Variants in ZNF761 observed in about 807,000 individuals in gnomAD.
ZNF761 encodes the protein zinc finger protein 761.
In ZNF761, 43 loss-of-function variants were observed where a neutral mutation model predicts 59.9. The observed-to-expected ratio is 0.72, with a 90% CI of 0.56 to 0.92. The LOEUF (loss-of-function observed/expected upper bound fraction) is 0.92, where lower values mean the gene tolerates loss of function less well. ZNF761 is among the 40% of genes least tolerant of loss of function. The pLI is 0.00. For missense variants in ZNF761, 850 were observed against 906.1 expected (o/e 0.94, Z 0.79); for synonymous variants, 294 against 304.8 (o/e 0.96, Z 0.37).
intron 1 of ZNF761, among the ~76,000 whole-genome samples, chr19:53,439,768 TA>T (rs1400821607): frequency 6.6e-6 from 1 of 152,150 alleles, no homozygotes. Context: ...CAGAGTGTTC[TA>T]AGGCGACTGG....
At chr19:53,447,465 G>C (rs2086173102) in intron 3 of ZNF761, among the ~76,000 whole-genome samples, 182 bp downstream of exon 3, 1 of 152,140 alleles carries the variant, frequency 6.6e-6, no homozygotes, top group South Asian at 2.1e-4. Flanking sequence ...CCAGTGAGAT[G>C]AACTTGGGAA....
At chr19:53,445,958 TC>T (rs1424715351) in intron 1 of ZNF761, among the ~76,000 whole-genome samples, 3 of 152,204 alleles carry the variant, frequency 2.0e-5, no homozygotes, top group Non-Finnish European at 4.4e-5. Context: ...ATCTCATGAC[TC>T]CCTCTGCCCC....
chr19:53,437,716 G>A (rs1162845316), intron 1 of ZNF761, among the ~76,000 whole-genome samples: 5 of 152,178 alleles, frequency 3.3e-5, no homozygotes, highest in Non-Finnish European at 7.3e-5. Context: ...CAGCCTCTAA[G>A]TGCTGTAGAA....
rs1372596561 is a variant in ZNF761, at chr19:53,455,750, T to C, written c.1243T>C (p.Cys415Arg). The C allele has an allele frequency of 6.2e-7, 1 of 1,613,748 alleles. No homozygotes were observed. The highest frequency in any genetic ancestry group is 2.2e-5 in the East Asian group (1 of 44,808). The change falls in exon 5 of 5, where the codon TGT becomes CGT. Residue 415 changes from cysteine to arginine, a missense_variant. Transcript: ENST00000684525. ...TGEKPYKCEECDKAYSFRSNF... is the reference protein window; with the variant it reads ...TGEKPYKCEERDKAYSFRSNF... ...AGAGAAACCTTACAAATGTGAAGAA[T>C]GTGACAAAGCTTACAGTTTCAGATC...
At chr19:53,454,562 C>G (rs1370756972) in intron 4 of ZNF761, 88 bp from the exon 5 acceptor site, 7 of 1,358,232 alleles carry the variant, frequency 5.2e-6, no homozygotes, top group East Asian at 2.4e-5. Flanking sequence ...TTTAAAATAA[C>G]TATTGTTTTT....
intron 4 of ZNF761, among the ~76,000 whole-genome samples, chr19:53,451,779 G>T (rs1033904127): frequency 6.7e-6 from 1 of 149,734 alleles, no homozygotes. Context: ...TTTAGAAACG[G>T]GGTTTCACCG....
intron 1 of ZNF761, among the ~76,000 whole-genome samples, chr19:53,439,022 C>T (rs2086071367): frequency 6.6e-6 from 1 of 152,024 alleles, no homozygotes; most frequent in Admixed American, 6.6e-5. Flanking sequence ...GCCTCTCATC[C>T]CAACACTTTG....
chr19:53,432,570 G>A (rs1477155044), intron 1 of ZNF761, among the ~76,000 whole-genome samples: 1 of 152,150 alleles, frequency 6.6e-6, no homozygotes, highest in Non-Finnish European at 1.5e-5. Context: ...CCTGTGACGC[G>A]GGGTGTTACT....
chr19:53,436,801 CCTTAA>C (rs1183356366), intron 1 of ZNF761, among the ~76,000 whole-genome samples: 1 of 152,178 alleles, frequency 6.6e-6, no homozygotes. Context: ...GTGGAGAAAG[CCTTAA>C]CTTATCTTGA....
intron 1 of ZNF761, among the ~76,000 whole-genome samples, chr19:53,434,564 A>G (rs1387332957): frequency 6.6e-6 from 1 of 152,176 alleles, no homozygotes; most frequent in Non-Finnish European, 1.5e-5. Context: ...TTGCCTTGCC[A>G]CAAAGTTTTC....
chr19:53,435,178 A>G (rs2086025547), intron 1 of ZNF761, among the ~76,000 whole-genome samples: 1 of 151,634 alleles, frequency 6.6e-6, no homozygotes, highest in Admixed American at 6.6e-5. Context: ...CCTTGCACGA[A>G]TTTAAACTAT....
chr19:53,434,314 A>T (rs2086011928), intron 1 of ZNF761, among the ~76,000 whole-genome samples: 1 of 152,144 alleles, frequency 6.6e-6, no homozygotes, highest in South Asian at 2.1e-4. Flanking sequence ...TTTATTGTAG[A>T]CAGGATACCT....
chr19:53,446,640 T>G (rs1243410362), intron 2 of ZNF761, among the ~76,000 whole-genome samples: 2 of 152,180 alleles, frequency 1.3e-5, no homozygotes, highest in African/African-American at 4.8e-5. Flanking sequence ...TCCAGAGTGC[T>G]GGTATTACAG....
chr19:53,452,179 A>G (rs2086227667), intron 4 of ZNF761, among the ~76,000 whole-genome samples: 1 of 152,050 alleles, frequency 6.6e-6, no homozygotes, highest in African/African-American at 2.4e-5. Context: ...TGAAACCTCG[A>G]ATCTACTAAA....
intron 1 of ZNF761, among the ~76,000 whole-genome samples, chr19:53,433,825 A>G (rs1445259953): frequency 3.9e-5 from 6 of 152,180 alleles, no homozygotes; most frequent in African/African-American, 1.4e-4. Context: ...GAATCTACTG[A>G]AGGAGGAAAA....
intron 1 of ZNF761, chr19:53,442,980 C>A: frequency 7.0e-6 from 2 of 284,846 alleles, no homozygotes; most frequent in African/African-American, 2.3e-5. Flanking sequence ...CAGTTATTTA[C>A]CTGTTGACCC....
Position 53,450,128 on chromosome 19 carries a change from C to A in ZNF761, c.142+490C>A, listed in dbSNP as rs551388921. On this transcript the variant is annotated intron_variant, in intron 4 of 4. Coordinates refer to ENST00000684525, the MANE Select transcript of ZNF761 (RefSeq NM_001289951.2). ...GACCAGCCCGGCCAACATGGTGAAA[C>A]CCCGTCTCTACTAAAAATAGAAAAA... 2,425 of 259,118 alleles carry A rather than the reference C, an allele frequency of 9.4e-3. 21 individuals carry two copies. Among genetic ancestry groups the A allele is most frequent in the Middle Eastern group, 0.015 (12 of 808 alleles). The allele number at this position is 259,118 out of a possible 1,614,324, so 16.1% of individuals were successfully genotyped here.
Position 53,455,528 on chromosome 19 carries a change from C to T in ZNF761, c.1021C>T (p.Leu341Phe), listed in dbSNP as rs1292007934. ...CGKTFRQKSI[L>F]TRHHRLHTGE... The stretch of plus-strand genomic sequence containing the variant: ...CAAGACCTTTAGGCAGAAGTCAATC[C>T]TTACACGCCATCATCGACTTCATAC... Residue 341 changes from leucine (L) to phenylalanine (F), a missense_variant, in exon 5 of 5, where the codon CTT (leucine) becomes TTT (phenylalanine). Leu to Phe is a conservative substitution (Grantham distance 22). Transcript: ENST00000684525. 1 of 1,613,022 alleles carries T rather than the reference C, an allele frequency of 6.2e-7. No individual in the cohort carries two copies. Among genetic ancestry groups the T allele is most frequent in the South Asian group, 1.1e-5 (1 of 90,922 alleles).
At chr19:53,454,520 G>C (rs2086246538) in intron 4 of ZNF761, 130 bp from the exon 5 acceptor site, 2 of 912,118 alleles carry the variant, frequency 2.2e-6, no homozygotes, top group Non-Finnish European at 3.1e-6. Flanking sequence ...ATGCTTTTCT[G>C]TTCCTAAACT....
Sources: allele counts gnomAD v4.1 joint callset (sites outside exome capture counted in the v4.1 genomes callset), GRCh38; gene constraint gnomAD v4.1.1; transcripts MANE v1.5; gene names NCBI Gene and HGNC (gene_info 2026-07-23, HGNC 2026-07-21).